The following GNA12 variants were observed in gnomAD, a reference collection of about 807,000 sequenced individuals.
The protein encoded by GNA12 is guanine nucleotide-binding protein subunit alpha-12.
Under a neutral mutation model 26.0 loss-of-function variants are expected in GNA12, and 9 were observed. The observed-to-expected ratio is 0.35, with a 90% confidence interval of 0.21 to 0.60. The LOEUF is 0.60. GNA12 is among the 20% of genes least tolerant of loss of function. The pLI, the probability that GNA12 is intolerant of heterozygous loss-of-function variation, is 0.78. For synonymous variants in GNA12, 264 were observed against 219.6 expected, an observed-to-expected ratio of 1.20 and a Z score of -1.79; for missense variants, 405 against 525.8, an observed-to-expected ratio of 0.77 and a Z score of 2.25.
intron 1 of GNA12, among the ~76,000 whole-genome samples, chr7:2,819,320 G>A (rs976387900): frequency 1.3e-5 from 2 of 152,158 alleles, no homozygotes; most frequent in Admixed American, 6.5e-5. Context: ...AACACAGTCC[G>A]GCTGGAACCT....
intron 2 of GNA12, among the ~76,000 whole-genome samples, chr7:2,780,683 G>A (rs1280065241): frequency 1.3e-5 from 2 of 152,122 alleles, no homozygotes; most frequent in East Asian, 3.9e-4. Flanking sequence ...GTATCTTTGG[G>A]CCAACATCAT....
At chr7:2,762,482 C>A in intron 2 of GNA12, 1 of 709,388 alleles carries the variant, frequency 1.4e-6, no homozygotes, top group South Asian at 2.6e-5. Flanking sequence ...CACCCGTGTG[C>A]GGGGCCTGAG....
At chr7:2,830,514 A>G (rs1183220990) in intron 1 of GNA12, among the ~76,000 whole-genome samples, 1 of 152,194 alleles carries the variant, frequency 6.6e-6, no homozygotes, top group Non-Finnish European at 1.5e-5. Flanking sequence ...TCCCAAAGAG[A>G]GAACCTGGAG....
chr7:2,750,464 C>A (rs1341827289), intron 2 of GNA12, among the ~76,000 whole-genome samples: 2 of 152,202 alleles, frequency 1.3e-5, no homozygotes, highest in Non-Finnish European at 2.9e-5. Flanking sequence ...TTGAATAATA[C>A]CCAACCTTAT....
intron 2 of GNA12, among the ~76,000 whole-genome samples, chr7:2,761,794 A>G (rs760544919): frequency 6.6e-6 from 1 of 152,218 alleles, no homozygotes; most frequent in African/African-American, 2.4e-5. Context: ...TTAAAACGTG[A>G]AGAGATGACC....
intron 1 of GNA12, among the ~76,000 whole-genome samples, chr7:2,831,955 G>A (rs1289596710): frequency 6.6e-6 from 1 of 152,160 alleles, no homozygotes; most frequent in Non-Finnish European, 1.5e-5. Context: ...GGAATACTGT[G>A]TATCTTGTCT....
At chr7:2,802,915 C>A (rs1477092709) in intron 1 of GNA12, among the ~76,000 whole-genome samples, 2 of 152,230 alleles carry the variant, frequency 1.3e-5, no homozygotes, top group Non-Finnish European at 2.9e-5. Flanking sequence ...GCCATCAGAG[C>A]CTCTGCCATT....
In GNA12 at chr7:2,762,647, G is replaced by C. The variant is rs751058368; in HGVS notation, c.526-29146C>G. 1.3e-5 allele frequency: 21 copies of C among 1,598,050 alleles called. No homozygotes were observed. In the East Asian group the frequency reaches 4.5e-4, roughly 34 times the overall value. Reference sequence around the variant, plus strand: ...ACCCCAATGCCATGAAGCACAGAGCGGCAGGACGATGAGAGGATAAATCAT... The same window carrying C: ...ACCCCAATGCCATGAAGCACAGAGCCGCAGGACGATGAGAGGATAAATCAT... On this transcript the variant is annotated intron_variant, in intron 2 of 3. Transcript: ENST00000275364.
intron 1 of GNA12, among the ~76,000 whole-genome samples, chr7:2,808,313 A>G (rs1408094252): frequency 1.3e-5 from 2 of 152,170 alleles, no homozygotes; most frequent in African/African-American, 4.8e-5. Flanking sequence ...GTTAAGCCAG[A>G]GCTGGCCTAC....
At chr7:2,781,436 G>GTGTGTGTGTGTT (rs1171186315) in intron 2 of GNA12, among the ~76,000 whole-genome samples, 1 of 151,242 alleles carries the variant, frequency 6.6e-6, no homozygotes, top group Non-Finnish European at 1.5e-5. Context: ...GTGTGTGTGT[G>GTGTGTGTGTGTT]TGTGTGTGTG....
At position 2,744,434 on chromosome 7, in the gene GNA12, T is replaced by G. The variant is rs376924161; in HGVS notation, c.526-10933A>C. Among the ~76,000 whole-genome samples the G allele has an allele frequency of 1.4e-4, 22 of 152,058 alleles. No homozygotes were observed. The East Asian group carries it at 4.1e-3, about 28-fold the overall frequency. On this transcript the variant is annotated intron_variant, in intron 2 of 3. Transcript: ENST00000275364. ...GGTCTGGAGTGGACCTCTAGCAAAC[T>G]CCAACAGACCTGCAGCTGAGGGTCC... is the stretch of plus-strand genomic sequence containing the variant.
rs186133954 is a variant in GNA12, at chr7:2,795,671, T to C, written c.310-528A>G. 3.3e-5 allele frequency among the ~76,000 whole-genome samples: 5 copies of C among 150,242 alleles called. No individual in the cohort carries two copies. In the East Asian group the frequency reaches 9.7e-4, roughly 29 times the overall value. The stretch of plus-strand genomic sequence containing the variant: ...GAAAAAAGAAAAAAAAGAAAACAGA[T>C]GTACATAAGCACCACAGAAAGAAGT... On this transcript the variant is annotated intron_variant, in intron 1 of 3. Coordinates refer to ENST00000275364, the MANE Select transcript of GNA12 (RefSeq NM_007353.3).
At chr7:2,822,417 A>G (rs1018546322) in intron 1 of GNA12, among the ~76,000 whole-genome samples, 19 of 152,190 alleles carry the variant, frequency 1.2e-4, no homozygotes, top group African/African-American at 4.6e-4. Context: ...AATCTAAGAC[A>G]TATCTTATGG....
At chr7:2,817,953 A>G (rs1357116115) in intron 1 of GNA12, among the ~76,000 whole-genome samples, 1 of 152,234 alleles carries the variant, frequency 6.6e-6, no homozygotes, top group Non-Finnish European at 1.5e-5. Flanking sequence ...AATGTATTAG[A>G]ACACCTGCTT....
intron 2 of GNA12, among the ~76,000 whole-genome samples, chr7:2,760,887 A>C (rs798491): frequency 7.2e-5 from 11 of 152,150 alleles, no homozygotes; most frequent in African/African-American, 2.6e-4. Context: ...CCTCACAGCA[A>C]TGTGGCTTCT....
chr7:2,783,649 C>CATACATTTATTTATTTATTTATTT (rs1554259965), intron 2 of GNA12, among the ~76,000 whole-genome samples: 3 of 138,630 alleles, frequency 2.2e-5, no homozygotes, highest in African/African-American at 8.2e-5. Flanking sequence ...GGCTGTAACA[C>CATACATTTATTTATTTATTTATTT]ATTTATTTAT....
At chr7:2,816,478 G>A (rs528288288) in intron 1 of GNA12, among the ~76,000 whole-genome samples, 19 of 152,348 alleles carry the variant, frequency 1.2e-4, no homozygotes, top group African/African-American at 3.1e-4. Context: ...TGATCCACCT[G>A]TCTTGGCCTC....
At chr7:2,744,211 C>G (rs189202195) in intron 2 of GNA12, among the ~76,000 whole-genome samples, 1 of 152,324 alleles carries the variant, frequency 6.6e-6, no homozygotes, top group African/African-American at 2.4e-5. Context: ...TGAGAACGGG[C>G]AGACTGCCTC....
rs778926459 is a variant in GNA12 at position 2,843,894 on chromosome 7, G to A, written c.268C>T (p.Leu90=). 3.8e-6 allele frequency: 6 copies of A among 1,572,942 alleles called. No individual in the cohort carries two copies. Among genetic ancestry groups the A allele is most frequent in the Non-Finnish European group, 4.3e-6 (5 of 1,160,956 alleles). ...IHGREFDQKA[L]LEFRDTIFDN... ...AAGATGGTGTCGCGGAACTCCAGCA[G>A]CGCCTTCTGGTCGAACTCGCGGCCG... The change falls in exon 1 of 4, where the codon CTG becomes TTG. Residue 90 remains leucine, a synonymous_variant. Transcript: ENST00000275364.
Sources: allele counts gnomAD v4.1 joint callset (sites outside exome capture counted in the v4.1 genomes callset), GRCh38; gene constraint gnomAD v4.1.1; transcripts MANE v1.5; gene names NCBI Gene and HGNC (gene_info 2026-07-23, HGNC 2026-07-21).